The following DARS2 variants were observed in gnomAD, a reference collection of about 807,000 sequenced individuals.
DARS2 encodes the protein aspartyl-tRNA synthetase 2, mitochondrial, also known as aspartate--tRNA ligase, mitochondrial.
DARS2 carries 63 observed loss-of-function variants against 83.0 expected under a neutral mutation model. The ratio of observed to expected loss-of-function variants is 0.76; its 90% CI spans 0.62 to 0.94. The LOEUF is 0.94. Ranked by LOEUF, DARS2 falls within the 40% of genes least tolerant of loss-of-function variation. The pLI is 0.00. For missense variants in DARS2, 675 were observed against 774.4 expected (o/e 0.87, Z 1.52); for synonymous variants, 250 against 269.3 (o/e 0.93, Z 0.70).
At chr1:173,849,972 C>T (rs1269638065) in intron 12 of DARS2, among the ~76,000 whole-genome samples, 2 of 151,090 alleles carry the variant, frequency 1.3e-5, no homozygotes, top group Non-Finnish European at 2.9e-5. Flanking sequence ...ATTCTCATGC[C>T]TCAGCCTCCT....
chr1:173,850,628 C>G, intron 13 of DARS2, 149 bp downstream of exon 13: 1 of 899,908 alleles, frequency 1.1e-6, no homozygotes, highest in South Asian at 1.7e-5. Context: ...TTTTAAGAGA[C>G]GGAGTTTTGC....
chr1:173,851,999 TTC>T, intron 13 of DARS2: 1 of 985,440 alleles, frequency 1.0e-6, no homozygotes, highest in Non-Finnish European at 1.2e-6. Flanking sequence ...CTATTAAACC[TTC>T]TCTTGGTATG....
At chr1:173,831,736 G>A (rs1652805320) in intron 5 of DARS2, 106 bp downstream of exon 5, 1 of 901,498 alleles carries the variant, frequency 1.1e-6, no homozygotes, top group Non-Finnish European at 1.8e-6. Context: ...ACAAAATTAA[G>A]CATTTTATTG....
rs573719917 is a variant in DARS2, at chr1:173,826,666, T to C, written c.128-21T>C. The C allele has an allele frequency of 4.6e-3, 1,170 of 251,900 alleles. 4 individuals carry two copies. Among genetic ancestry groups the C allele is most frequent in the African/African-American group, 0.021 (756 of 35,898 alleles). 15.6% of individuals were successfully genotyped at this position (251,900 alleles called of 1,614,324 possible). On this transcript the variant is annotated intron_variant, in intron 1 of 16. Coordinates refer to ENST00000649689, the MANE Select transcript of DARS2 (RefSeq NM_018122.5). ...TTTTAATCTTGCCTTTTAAAGTTTC[T>C]TTTTTTTTTTTTTTTTAAAGAATTC...
chr1:173,830,978 G>A (rs1175435003), intron 4 of DARS2, among the ~76,000 whole-genome samples: 4 of 152,118 alleles, frequency 2.6e-5, no homozygotes, highest in Admixed American at 6.6e-5. Context: ...GTACGGTGGC[G>A]TGATCTTGGC....
At chr1:173,827,160 G>A (rs1412310561) in intron 2 of DARS2, among the ~76,000 whole-genome samples, 1 of 152,138 alleles carries the variant, frequency 6.6e-6, no homozygotes, top group East Asian at 1.9e-4. Flanking sequence ...CCAATAGCAT[G>A]GGGGAAAAGC....
Position 173,838,277 on chromosome 1 carries a change from C to T in DARS2, c.840+18C>T, listed in dbSNP as rs1225437267. On this transcript the variant is annotated intron_variant, in intron 9 of 16. Coordinates refer to ENST00000649689, the MANE Select transcript of DARS2 (RefSeq NM_018122.5). ...TTACTCAGGTACAAAGTTATATTCA[C>T]TTGTTTCTTAAAATTCAGGCTTACT... 6.9e-6 allele frequency: 11 copies of T among 1,596,870 alleles called. No homozygotes were observed. Among genetic ancestry groups the T allele is most frequent in the Non-Finnish European group, 9.4e-6 (11 of 1,164,552 alleles).
In DARS2 at chr1:173,828,470, G is replaced by T. The variant is rs1303142409; in HGVS notation, c.294+71G>T. 12 of 1,352,592 alleles carry T rather than the reference G, an allele frequency of 8.9e-6. No homozygotes were observed. The Admixed American group carries it at 1.9e-4, about 21-fold the overall frequency. 83.8% of individuals were successfully genotyped at this position (1,352,592 alleles called of 1,614,324 possible). A position where few individuals can be genotyped will look rare whatever the true frequency, so the allele number is the denominator to read the frequency against. ...ATTGCTGGGGTAAGCTAAGTAGTTA[G>T]ATGAATATGTTAGAGGTTTTAAATT... On this transcript the variant is annotated intron_variant, in intron 3 of 16. Transcript: ENST00000649689.
chr1:173,836,670 A>T (rs1005098528), intron 7 of DARS2, among the ~76,000 whole-genome samples: 1 of 152,254 alleles, frequency 6.6e-6, no homozygotes, highest in Non-Finnish European at 1.5e-5. Context: ...TGATACACAA[A>T]ATTCATTCAT....
intron 13 of DARS2, chr1:173,851,952 A>G (rs949869107): frequency 1.0e-6 from 1 of 985,206 alleles, no homozygotes. Flanking sequence ...TGCATTTCTT[A>G]AAAAAGAACA....
Position 173,857,225 on chromosome 1 carries a change from C to T in DARS2, c.1751-293C>T, listed in dbSNP as rs115629106. The stretch of plus-strand genomic sequence containing the variant: ...GTTTATGGAGTTCCCTGCCAAGCAC[C>T]AAATACACTGTTGAATCTGTTTTAG... On this transcript the variant is annotated intron_variant, in intron 16 of 16. Coordinates refer to ENST00000649689, the MANE Select transcript of DARS2 (RefSeq NM_018122.5). 4.5e-3 allele frequency among the ~76,000 whole-genome samples: 692 copies of T among 152,266 alleles called. 6 individuals are homozygous for T. The highest frequency in any genetic ancestry group is 0.014 in the African/African-American group (574 of 41,564).
chr1:173,846,814 C>A (rs1470771811), intron 12 of DARS2, among the ~76,000 whole-genome samples: 2 of 151,842 alleles, frequency 1.3e-5, no homozygotes, highest in Non-Finnish European at 2.9e-5. Flanking sequence ...AGGAAAGAAT[C>A]TTAGGTATGA....
In DARS2 at chr1:173,850,455, A is replaced by C. The variant is rs1487706180; in HGVS notation, c.1320A>C (p.Leu440=). ...METQEEDVVL[L]TAGEHNKACS... is the part of the protein sequence containing the mutation. ...CCCAAGAGGAAGATGTGGTCCTACTAACTGCTGGAGAGCACAATAAAGCAG... is the reference window on the plus strand; with the variant it reads ...CCCAAGAGGAAGATGTGGTCCTACTCACTGCTGGAGAGCACAATAAAGCAG... The change falls in exon 13 of 17, where the codon CTA becomes CTC. Residue 440 remains leucine, a synonymous_variant. Coordinates refer to ENST00000649689, the MANE Select transcript of DARS2 (RefSeq NM_018122.5). 6.2e-7 allele frequency: 1 copy of C among 1,613,906 alleles called. No individual in the cohort carries two copies. The highest frequency in any genetic ancestry group is 1.3e-5 in the African/African-American group (1 of 74,914).
At chr1:173,845,124 A>C in intron 11 of DARS2, 105 bp from the exon 12 acceptor site, 1 of 774,616 alleles carries the variant, frequency 1.3e-6, no homozygotes, top group Non-Finnish European at 2.3e-6. Flanking sequence ...AAATCTTACT[A>C]TTGTAATAGA....
chr1:173,827,021 G>GT (rs750337327), intron 2 of DARS2, among the ~76,000 whole-genome samples: 3 of 152,154 alleles, frequency 2.0e-5, no homozygotes, highest in Non-Finnish European at 2.9e-5. Flanking sequence ...AGTAACATCT[G>GT]TTGAAGGGTA....
Position 173,857,757 on chromosome 1 carries a change from T to C in DARS2, c.*52T>C. The C allele has an allele frequency of 1.3e-6, 2 of 1,597,730 alleles. No homozygotes were observed. Among genetic ancestry groups the C allele is most frequent in the Non-Finnish European group, 1.7e-6 (2 of 1,166,436 alleles). On this transcript the variant is annotated 3_prime_UTR_variant, in exon 17 of 17. Coordinates refer to ENST00000649689, the MANE Select transcript of DARS2 (RefSeq NM_018122.5). ...GCTTTTAGGTTTTGTCCTCTTTGCT[T>C]CCCCAAGGCTAAAGTCAGATCTAGA...
chr1:173,847,262 T>G (rs1453144060), intron 12 of DARS2, among the ~76,000 whole-genome samples: 1 of 152,102 alleles, frequency 6.6e-6, no homozygotes, highest in East Asian at 1.9e-4. Flanking sequence ...GGGGATGAAA[T>G]ATGTCTTTTC....
Position 173,850,346 on chromosome 1 carries a change from T to C in DARS2, c.1211T>C (p.Leu404Pro). 6.2e-7 allele frequency: 1 copy of C among 1,612,540 alleles called. No homozygotes were observed. Among genetic ancestry groups the C allele is most frequent in the Non-Finnish European group, 8.5e-7 (1 of 1,179,456 alleles). Residue 404 changes from leucine to proline, a missense_variant, in exon 13 of 17, where the codon CTT becomes CCT. Physicochemically the swap from Leu to Pro is moderately conservative, Grantham distance 98. Transcript: ENST00000649689. ...HFNQEILPVF[L>P]NANRNWNSPV... ...ACACAGGAAATCTTACCTGTATTCC[T>C]TAACGCCAATAGAAACTGGAATTCT...
At chr1:173,846,152 T>C (rs12071663) in intron 12 of DARS2, among the ~76,000 whole-genome samples, 69,417 of 149,634 alleles carry the variant, frequency 0.46, 18,875 homozygotes, top group African/African-American at 0.75. Flanking sequence ...AGCAAGACTC[T>C]GTCTCAAAAA....
Sources: allele counts gnomAD v4.1 joint callset (sites outside exome capture counted in the v4.1 genomes callset), GRCh38; gene constraint gnomAD v4.1.1; transcripts MANE v1.5; gene names NCBI Gene and HGNC (gene_info 2026-07-23, HGNC 2026-07-21).